Variants in SPTBN1 observed in about 807,000 individuals in gnomAD.
SPTBN1 encodes the protein spectrin beta, non-erythrocytic 1, also known as spectrin beta chain, non-erythrocytic 1.
In SPTBN1, 32 loss-of-function variants were observed where a neutral mutation model predicts 266.4. That is an observed-to-expected ratio of 0.12 (90% CI 0.09 to 0.16). The LOEUF is 0.16. Among genes scored for constraint, SPTBN1 ranks in the 10% least tolerant of loss-of-function variants. The pLI, the probability that SPTBN1 is intolerant of heterozygous loss-of-function variation, is 1.00. For missense variants in SPTBN1, 2,296 were observed against 3,067.1 expected, an observed-to-expected ratio of 0.75 and a Z score of 5.94; for synonymous variants, 1,336 against 1,162.2, an observed-to-expected ratio of 1.15 and a Z score of -3.04.
intron 1 of SPTBN1, among the ~76,000 whole-genome samples, chr2:54,457,920 G>C (rs1573187735): frequency 6.6e-6 from 1 of 152,250 alleles, no homozygotes; most frequent in Non-Finnish European, 1.5e-5. Context: ...GAGCCGGCCT[G>C]TGGTTGCGGA....
intron 2 of SPTBN1, among the ~76,000 whole-genome samples, chr2:54,559,829 A>T (rs1185379395): frequency 6.6e-6 from 1 of 152,216 alleles, no homozygotes; most frequent in African/African-American, 2.4e-5. Flanking sequence ...TAACCTCCTC[A>T]GTGCTGCAAA....
chr2:54,645,465 C>T lies in SPTBN1; in HGVS notation c.4494+12C>T, dbSNP rs201099337. ...TGGAGGACGAGATCGTGAGTCGACC[C>T]CTACTGCACACATGGCTTTTCCACG... is the stretch of plus-strand genomic sequence containing the variant. On this transcript the variant is annotated intron_variant, in intron 21 of 35. Coordinates refer to ENST00000356805, the MANE Select transcript of SPTBN1 (RefSeq NM_003128.3). This position sits in a 1 kb window ranked among gnomAD's most constrained non-coding sequence, Gnocchi z 4.3. 13 of 1,612,602 alleles carry T rather than the reference C, an allele frequency of 8.1e-6. No homozygotes were observed. In the African/African-American group the frequency reaches 9.3e-5, roughly 12 times the overall value.
Position 54,649,160 on chromosome 2 carries a change from T to C in SPTBN1, c.5172T>C (p.His1724=). 3.1e-6 allele frequency: 5 copies of C among 1,610,890 alleles called. No homozygotes were observed. The highest frequency in any genetic ancestry group is 4.2e-6 in the Non-Finnish European group (5 of 1,177,992). The change falls in exon 25 of 36, where the codon CAT becomes CAC. Residue 1724 remains histidine, a synonymous_variant. Transcript: ENST00000356805. This position sits in a 1 kb window ranked among gnomAD's most constrained non-coding sequence, Gnocchi z 6.7. ...IAEREVVAGS[H]ELGQDYEHVT... The stretch of plus-strand genomic sequence containing the variant: ...AGAGGGAGGTGGTCGCAGGGTCCCA[T>C]GAACTGGGACAGGACTATGAGCATG...
intron 18 of SPTBN1, among the ~76,000 whole-genome samples, chr2:54,640,799 GC>G (rs916945742): frequency 2.0e-5 from 3 of 152,226 alleles, no homozygotes; most frequent in Non-Finnish European, 4.4e-5. Context: ...TGACCCACCC[GC>G]CTTGGCCTCC....
chr2:54,651,329 G>A (rs867896624), intron 26 of SPTBN1, among the ~76,000 whole-genome samples: 1 of 152,054 alleles, frequency 6.6e-6, no homozygotes, highest in African/African-American at 2.4e-5. Flanking sequence ...TGGGAATCTC[G>A]TCCCTCGAGT....
chr2:54,500,075 C>G (rs538106503), intron 1 of SPTBN1, among the ~76,000 whole-genome samples: 4 of 152,272 alleles, frequency 2.6e-5, no homozygotes, highest in African/African-American at 9.6e-5. Context: ...TTTCTGTGAT[C>G]TGTAATCTAC....
chr2:54,496,863 A>G (rs935548057), intron 1 of SPTBN1, among the ~76,000 whole-genome samples: 38 of 152,352 alleles, frequency 2.5e-4, no homozygotes, highest in African/African-American at 8.7e-4. Context: ...CTATGAAGAT[A>G]ATTGGACAAG....
rs758396828 is a variant in SPTBN1 at position 54,529,347 on chromosome 2, T to G, written c.148+2781T>G. ...TACACTTGAGACCCTTTTCAGAAGA[T>G]GGCACCGAAAGTGAAGAAGGAAGCT... On this transcript the variant is annotated intron_variant, in intron 2 of 35. Coordinates refer to ENST00000356805, the MANE Select transcript of SPTBN1 (RefSeq NM_003128.3). 6.7e-6 allele frequency: 4 copies of G among 594,112 alleles called. No homozygotes were observed. The African/African-American group carries it at 7.5e-5, about 11-fold the overall frequency. 36.8% of individuals were successfully genotyped at this position (594,112 alleles called of 1,614,324 possible).
At chr2:54,599,932 G>GT (rs1558414541) in intron 3 of SPTBN1, among the ~76,000 whole-genome samples, 1 of 152,180 alleles carries the variant, frequency 6.6e-6, no homozygotes, top group African/African-American at 2.4e-5. Flanking sequence ...GATCCAACAG[G>GT]TTTTGTCTCA....
chr2:54,563,734 G>A (rs1051037424), intron 2 of SPTBN1, among the ~76,000 whole-genome samples: 10 of 149,984 alleles, frequency 6.7e-5, no homozygotes, highest in African/African-American at 2.5e-4. Context: ...CTCCTGAGTA[G>A]CTGGGATTAC....
At chr2:54,657,726 G>T in intron 29 of SPTBN1, 124 bp from the exon 30 acceptor site, 1 of 1,148,790 alleles carries the variant, frequency 8.7e-7, no homozygotes, top group Non-Finnish European at 1.2e-6. Flanking sequence ...GGCTAATTTA[G>T]AGTAGACGAT....
chr2:54,627,785 T>TC (rs57499955), intron 12 of SPTBN1, among the ~76,000 whole-genome samples: 4 of 52,728 alleles, frequency 7.6e-5, no homozygotes, highest in South Asian at 1.9e-3. Flanking sequence ...CACTGCCCCC[T>TC]CCCCCCCACC....
chr2:54,582,791 T>C (rs948300738), intron 2 of SPTBN1, among the ~76,000 whole-genome samples: 2 of 152,152 alleles, frequency 1.3e-5, no homozygotes, highest in African/African-American at 4.8e-5. Context: ...TGTAGAACTC[T>C]CTGTAGAGTG....
At chr2:54,586,658 T>A (rs2104601379) in intron 2 of SPTBN1, among the ~76,000 whole-genome samples, 1 of 152,324 alleles carries the variant, frequency 6.6e-6, no homozygotes, top group Non-Finnish European at 1.5e-5. Flanking sequence ...TGGCTTTAAG[T>A]CTTTTGACTC....
chr2:54,655,775 C>A, intron 28 of SPTBN1, 139 bp from the exon 29 acceptor site: 1 of 604,006 alleles, frequency 1.7e-6, no homozygotes, highest in South Asian at 1.9e-5. Context: ...AGTCCTCAGA[C>A]AGACTGAGCA....
rs959060433 is a variant in SPTBN1 at position 54,645,116 on chromosome 2, C to G, written c.4270-113C>G. On this transcript the variant is annotated intron_variant, in intron 20 of 35. Transcript: ENST00000356805. The surrounding 1 kb of genome is among the most constrained non-coding windows in gnomAD (Gnocchi z 4.3). ...TCAGTGGCAAAATGTTTGAGTGGCT[C>G]CCATGGCTGGCTTTGCGGTGTGGCC... 5.7e-6 allele frequency: 6 copies of G among 1,052,786 alleles called. No homozygotes were observed. The African/African-American group carries it at 9.5e-5, about 17-fold the overall frequency. 65.2% of individuals were successfully genotyped at this position (1,052,786 alleles called of 1,614,324 possible). A position where few individuals can be genotyped will look rare whatever the true frequency, so the allele number is the denominator to read the frequency against.
intron 2 of SPTBN1, among the ~76,000 whole-genome samples, chr2:54,581,023 G>A (rs1041682746): frequency 1.3e-5 from 2 of 151,874 alleles, no homozygotes; most frequent in Non-Finnish European, 2.9e-5. Flanking sequence ...GCTTGAGTCC[G>A]GGTGGTGGAG....
rs148657379 is a variant in SPTBN1 at position 54,629,751 on chromosome 2, A to G, written c.2617A>G (p.Asn873Asp). ...LWIDEKEQWL[N>D]NMQIPEKLED... ...GATCGACGAGAAGGAGCAGTGGCTC[A>G]ACAACATGCAGATCCCAGAGAAGCT... Residue 873 changes from asparagine to aspartate, a missense_variant, in exon 14 of 36, where the codon AAC becomes GAC. Around this residue, in one of 12 missense-constraint regions of SPTBN1, gnomAD observed 434 missense variants for 573.9 expected, o/e 0.76. Coordinates refer to ENST00000356805, the MANE Select transcript of SPTBN1 (RefSeq NM_003128.3). 554 of 1,611,316 alleles carry G rather than the reference A, an allele frequency of 3.4e-4. No individual in the cohort carries two copies. Among genetic ancestry groups the G allele is most frequent in the Non-Finnish European group, 4.3e-4 (507 of 1,179,968 alleles).
intron 1 of SPTBN1, chr2:54,515,883 T>G (rs1054237079): frequency 2.6e-5 from 4 of 152,130 alleles, no homozygotes; most frequent in African/African-American, 9.7e-5. Context: ...CATAGATACA[T>G]TATATATCTA....
Sources: allele counts gnomAD v4.1 joint callset (sites outside exome capture counted in the v4.1 genomes callset), GRCh38; gene constraint gnomAD v4.1.1; regional missense constraint gnomAD v4.1.1; non-coding constraint Gnocchi (gnomAD v3.1); transcripts MANE v1.5; gene names NCBI Gene and HGNC (gene_info 2026-07-23, HGNC 2026-07-21).